Variants in NKAIN3 observed in about 807,000 individuals in gnomAD.
NKAIN3 encodes the protein sodium/potassium-transporting ATPase subunit beta-1-interacting protein 3.
A neutral mutation model predicts 30.2 loss-of-function variants in NKAIN3; 25 were observed. The ratio of observed to expected loss-of-function variants is 0.83; its 90% CI spans 0.60 to 1.16. The LOEUF (loss-of-function observed/expected upper bound fraction) is 1.16. NKAIN3 is among the 50% of genes most tolerant of loss of function. The pLI is 0.00. For synonymous variants in NKAIN3, 91 were observed against 89.6 expected, an observed-to-expected ratio of 1.02 and a Z score of -0.09; for missense variants, 225 against 254.1, an observed-to-expected ratio of 0.89 and a Z score of 0.78.
At chr8:62,585,288 C>A (rs1377162158) in intron 2 of NKAIN3, among the ~76,000 whole-genome samples, 2 of 152,154 alleles carry the variant, frequency 1.3e-5, no homozygotes, top group African/African-American at 4.8e-5. Flanking sequence ...AAAAACCACC[C>A]CAAATCACAG....
chr8:62,587,578 C>A (rs147467151), intron 2 of NKAIN3, among the ~76,000 whole-genome samples: 1 of 152,012 alleles, frequency 6.6e-6, no homozygotes, highest in African/African-American at 2.4e-5. Flanking sequence ...TAAAACAAAG[C>A]CTACCCTGTA....
intron 3 of NKAIN3, among the ~76,000 whole-genome samples, chr8:62,640,612 G>C (rs1402532557): frequency 6.6e-6 from 1 of 152,074 alleles, no homozygotes; most frequent in Non-Finnish European, 1.5e-5. Flanking sequence ...GATGTTTCTA[G>C]CCCTTCTTTC....
At chr8:62,341,780 A>G (rs1473005064) in intron 1 of NKAIN3, among the ~76,000 whole-genome samples, 1 of 152,038 alleles carries the variant, frequency 6.6e-6, no homozygotes, top group Non-Finnish European at 1.5e-5. Context: ...TCTTTTGACA[A>G]CATGAGACCC....
chr8:62,900,300 A>G (rs1821571409), intron 4 of NKAIN3, among the ~76,000 whole-genome samples: 1 of 152,216 alleles, frequency 6.6e-6, no homozygotes, highest in African/African-American at 2.4e-5. Context: ...TACATAGCAT[A>G]TAGTGAGCAA....
intron 4 of NKAIN3, among the ~76,000 whole-genome samples, chr8:62,870,713 A>ATATATCTG (rs1820611747): frequency 7.4e-6 from 1 of 135,102 alleles, no homozygotes. Flanking sequence ...CTATATATCT[A>ATATATCTG]TATCTCTATA....
chr8:62,837,544 C>T (rs556510602), intron 4 of NKAIN3, among the ~76,000 whole-genome samples: 6 of 152,216 alleles, frequency 3.9e-5, no homozygotes, highest in East Asian at 3.9e-4. Flanking sequence ...TATTAGAGTG[C>T]CCACACATCG....
At chr8:62,805,785 A>T (rs1451798190) in intron 4 of NKAIN3, among the ~76,000 whole-genome samples, 1 of 152,220 alleles carries the variant, frequency 6.6e-6, no homozygotes, top group East Asian at 1.9e-4. Flanking sequence ...TGGCAACAAA[A>T]GCCAAAATGG....
intron 4 of NKAIN3, among the ~76,000 whole-genome samples, chr8:62,895,562 T>A (rs1244428782): frequency 1.3e-5 from 2 of 152,162 alleles, no homozygotes; most frequent in African/African-American, 4.8e-5. Flanking sequence ...GGTTCCAGAT[T>A]AGTGACAGCA....
chr8:62,459,550 C>T (rs1805926570), intron 1 of NKAIN3, among the ~76,000 whole-genome samples: 1 of 151,846 alleles, frequency 6.6e-6, no homozygotes, highest in Non-Finnish European at 1.5e-5. Flanking sequence ...AGAAGCCAAA[C>T]AATGAAAAAA....
chr8:62,855,485 C>T, intron 4 of NKAIN3: 3 of 1,377,740 alleles, frequency 2.2e-6, no homozygotes, highest in Non-Finnish European at 1.0e-6. Context: ...ATTTTGTTTT[C>T]TCTTGGTAAA....
intron 4 of NKAIN3, among the ~76,000 whole-genome samples, chr8:62,903,847 G>A (rs999417771): frequency 1.1e-4 from 16 of 152,034 alleles, no homozygotes; most frequent in African/African-American, 3.9e-4. Context: ...AAGAGAAGGG[G>A]GAAGTCCCTG....
intron 4 of NKAIN3, among the ~76,000 whole-genome samples, chr8:62,801,468 C>T (rs559777283): frequency 5.9e-5 from 9 of 152,284 alleles, no homozygotes; most frequent in East Asian, 5.8e-4. Context: ...CATGAAAACC[C>T]GCTGTTCTGC....
chr8:62,644,261 G>T (rs1216946682), intron 3 of NKAIN3, among the ~76,000 whole-genome samples: 8 of 151,962 alleles, frequency 5.3e-5, no homozygotes, highest in African/African-American at 1.9e-4. Flanking sequence ...AGTTCCCGTA[G>T]GTCTTTTTAT....
At chr8:62,790,295 G>T (rs1043401823) in intron 4 of NKAIN3, among the ~76,000 whole-genome samples, 1 of 152,060 alleles carries the variant, frequency 6.6e-6, no homozygotes, top group South Asian at 2.1e-4. Context: ...TAAATTAGGT[G>T]TTGATGGGAT....
At chr8:62,388,619 A>T (rs1817497661) in intron 1 of NKAIN3, among the ~76,000 whole-genome samples, 1 of 152,332 alleles carries the variant, frequency 6.6e-6, no homozygotes, top group South Asian at 2.1e-4. Context: ...GACAATCATG[A>T]TCTAAAACGA....
chr8:62,643,185 T>G (rs1812358725), intron 3 of NKAIN3, among the ~76,000 whole-genome samples: 1 of 152,122 alleles, frequency 6.6e-6, no homozygotes, highest in East Asian at 1.9e-4. Flanking sequence ...AGTTGTATTT[T>G]TTTCACCTCC....
intron 4 of NKAIN3, among the ~76,000 whole-genome samples, chr8:62,823,053 A>T (rs891950240): frequency 6.6e-6 from 1 of 152,184 alleles, no homozygotes; most frequent in African/African-American, 2.4e-5. Context: ...ACTTAGCATG[A>T]GTGGAGCATG....
At chr8:62,300,728 G>T (rs539354598) in intron 1 of NKAIN3, among the ~76,000 whole-genome samples, 1 of 152,090 alleles carries the variant, frequency 6.6e-6, no homozygotes, top group Non-Finnish European at 1.5e-5. Flanking sequence ...TATTGAAAAG[G>T]TTTGGAGAAG....
intron 1 of NKAIN3, among the ~76,000 whole-genome samples, chr8:62,470,650 T>C (rs1289841730): frequency 6.6e-6 from 1 of 152,122 alleles, no homozygotes; most frequent in Non-Finnish European, 1.5e-5. Flanking sequence ...ATTTAGACAA[T>C]GAAAATACTG....
Sources: allele counts gnomAD v4.1 joint callset (sites outside exome capture counted in the v4.1 genomes callset), GRCh38; gene constraint gnomAD v4.1.1; transcripts MANE v1.5; gene names NCBI Gene and HGNC (gene_info 2026-07-23, HGNC 2026-07-21).